Variants in CDCA2 observed in about 807,000 individuals in gnomAD.
The protein encoded by CDCA2 is cell division cycle-associated protein 2.
Under a neutral mutation model 67.0 loss-of-function variants are expected in CDCA2, and 44 were observed. The observed-to-expected ratio is 0.66, with a 90% CI of 0.52 to 0.84. The LOEUF (loss-of-function observed/expected upper bound fraction) is 0.84. CDCA2 is among the 40% of genes least tolerant of loss of function. The pLI, the probability that CDCA2 is intolerant of heterozygous loss-of-function variation, is 0.00. For synonymous variants in CDCA2, 447 were observed against 418.7 expected (o/e 1.07, Z -0.82); for missense variants, 1,253 against 1,203.2 (o/e 1.04, Z -0.61).
intron 13 of CDCA2, among the ~76,000 whole-genome samples, chr8:25,497,883 C>G (rs1432945948): frequency 6.6e-6 from 1 of 152,154 alleles, no homozygotes; most frequent in Non-Finnish European, 1.5e-5. Flanking sequence ...AATCAAGCTT[C>G]TAGATCTAAT....
chr8:25,493,415 T>G (rs1024669987), intron 13 of CDCA2, among the ~76,000 whole-genome samples: 1 of 152,120 alleles, frequency 6.6e-6, no homozygotes, highest in Admixed American at 6.6e-5. Context: ...GGGCAAAGGA[T>G]TGGTGAATTT....
intron 7 of CDCA2, among the ~76,000 whole-genome samples, chr8:25,474,754 T>C (rs1038616394): frequency 6.6e-6 from 1 of 152,170 alleles, no homozygotes; most frequent in African/African-American, 2.4e-5. Context: ...GTACTATTGT[T>C]TGGAATCTGT....
Position 25,478,888 on chromosome 8 carries a change from G to GTGTATATATATATA in CDCA2, c.821-1024_821-1023insGTATATATATATAT, listed in dbSNP as rs1006353040. ...TATATTAACTACTTGTTGTGTGTGTGTATATATATATATATATATATATAT... is the reference window on the plus strand; with the variant it reads ...TATATTAACTACTTGTTGTGTGTGTGTGTATATATATATATATATATATATATATATATATATAT... On this transcript the variant is annotated intron_variant, in intron 7 of 14. Coordinates refer to ENST00000330560, the MANE Select transcript of CDCA2 (RefSeq NM_152562.4). 5.5e-3 allele frequency among the ~76,000 whole-genome samples: 611 copies of GTGTATATATATATA among 111,438 alleles called. 2 individuals carry two copies. Among genetic ancestry groups the GTGTATATATATATA allele is most frequent in the African/African-American group, 0.023 (579 of 25,028 alleles). 73.1% of individuals were successfully genotyped at this position (111,438 alleles called of 152,430 possible). A position where few individuals can be genotyped will look rare whatever the true frequency, so the allele number is the denominator to read the frequency against.
chr8:25,483,936 A>G, intron 9 of CDCA2, 30 bp from the exon 10 acceptor site: 1 of 1,574,238 alleles, frequency 6.4e-7, no homozygotes, highest in Non-Finnish European at 8.7e-7. Flanking sequence ...CTTAATTTTT[A>G]AGTTACTCTC....
At chr8:25,486,461 A>G (rs1803778580) in intron 11 of CDCA2, among the ~76,000 whole-genome samples, 2 of 152,110 alleles carry the variant, frequency 1.3e-5, no homozygotes, top group African/African-American at 4.8e-5. Flanking sequence ...AGTCTATCAC[A>G]TTCCAAAGGC....
At chr8:25,483,276 G>C in intron 8 of CDCA2, 123 bp from the exon 9 acceptor site, 1 of 499,782 alleles carries the variant, frequency 2.0e-6, no homozygotes, top group Non-Finnish European at 3.4e-6. Context: ...TGAAAATAAA[G>C]GTAATCTTTA....
chr8:25,483,941 A>T, intron 9 of CDCA2, 25 bp from the exon 10 acceptor site: 1 of 1,583,088 alleles, frequency 6.3e-7, no homozygotes, highest in Non-Finnish European at 8.6e-7. Context: ...TTTTTAAGTT[A>T]CTCTCATTTA....
At position 25,484,098 on chromosome 8, in the gene CDCA2, G is replaced by A. The variant is rs1803671951; in HGVS notation, c.1253G>A (p.Gly418Glu). Residue 418 changes from glycine to glutamate, a missense_variant, in exon 10 of 15, where the codon GGA becomes GAA. Transcript: ENST00000330560. Reference protein sequence around the residue: ...LPANTPLRKGGTPVCKKDFSG... With the variant: ...LPANTPLRKGETPVCKKDFSG... ...GCAAATACTCCATTGCGTAAAGGAG[G>A]AACACCTGTTTGTAAAAAAGACTTC... 3 of 1,614,048 alleles carry A rather than the reference G, an allele frequency of 1.9e-6. No individual in the cohort carries two copies. The highest frequency in any genetic ancestry group is 1.3e-5 in the African/African-American group (1 of 74,928).
chr8:25,479,217 AC>A (rs1235231211), intron 7 of CDCA2, among the ~76,000 whole-genome samples: 1 of 151,464 alleles, frequency 6.6e-6, no homozygotes, highest in Non-Finnish European at 1.5e-5. Flanking sequence ...TCCTCATGTT[AC>A]CCTTCATAGC....
intron 8 of CDCA2, among the ~76,000 whole-genome samples, chr8:25,481,362 C>G (rs960897332): frequency 6.6e-6 from 1 of 152,064 alleles, no homozygotes; most frequent in African/African-American, 2.4e-5. Flanking sequence ...TATGACACAG[C>G]AAATATTAAG....
At chr8:25,469,294 CT>C (rs1803058371) in intron 6 of CDCA2, among the ~76,000 whole-genome samples, 1 of 152,210 alleles carries the variant, frequency 6.6e-6, no homozygotes, top group African/African-American at 2.4e-5. Context: ...AGTGGGTTTC[CT>C]TTGTATTTCA....
intron 7 of CDCA2, among the ~76,000 whole-genome samples, chr8:25,478,797 AG>A (rs1401193541): frequency 2.6e-5 from 4 of 151,752 alleles, no homozygotes; most frequent in Non-Finnish European, 5.9e-5. Context: ...TACCCAAAGC[AG>A]TAGCACTTCC....
chr8:25,475,892 T>C (rs1803328729), intron 7 of CDCA2, among the ~76,000 whole-genome samples: 1 of 152,160 alleles, frequency 6.6e-6, no homozygotes, highest in African/African-American at 2.4e-5. Flanking sequence ...TCCCAGTGTT[T>C]CCTGGGGGAC....
intron 7 of CDCA2, among the ~76,000 whole-genome samples, chr8:25,473,123 C>T (rs150086874): frequency 3.9e-4 from 59 of 152,238 alleles, no homozygotes; most frequent in African/African-American, 1.2e-3. Context: ...TCTTTTGTGC[C>T]TGGCTTATTT....
Position 25,506,911 on chromosome 8 carries a change from CT to C in CDCA2, c.2248del (p.Cys750ValfsTer10). 1 of 1,612,590 alleles carries C rather than the reference CT, an allele frequency of 6.2e-7. No individual in the cohort carries two copies. The highest frequency in any genetic ancestry group is 8.5e-7 in the Non-Finnish European group (1 of 1,179,340). On this transcript the variant is annotated frameshift_variant, in exon 15 of 15. Transcript: ENST00000330560. LOFTEE classifies it low-confidence loss of function (END_TRUNC). Reference sequence around the variant, plus strand: ...TGCTGGTGGTCAAAATGCAGAAAACCTTTGTCAGTTCTTTAAAATTTCACCA... The same window carrying C: ...TGCTGGTGGTCAAAATGCAGAAAACCTTGTCAGTTCTTTAAAATTTCACCA... ...FSAGGQNAEN[L>X]CQFFKISPDL...
rs1802900324 is a variant in CDCA2 at position 25,466,305 on chromosome 8, A to G, written c.518A>G (p.Glu173Gly). The G allele has an allele frequency of 5.6e-6, 9 of 1,603,516 alleles. No individual in the cohort carries two copies. The highest frequency in any genetic ancestry group is 7.6e-6 in the Non-Finnish European group (9 of 1,177,374). The change falls in exon 5 of 15, where the codon GAG becomes GGG. Residue 173 changes from glutamate to glycine, a missense_variant. Transcript: ENST00000330560. Reference protein sequence around the residue: ...GCLEFSEAGKESEMTDLTRKE... With the variant: ...GCLEFSEAGKGSEMTDLTRKE... ...CTGGAATTCTCAGAGGCAGGAAAAG[A>G]GTCCGAGATGACAGACTTGAGTGAG...
At position 25,462,188 on chromosome 8, in the gene CDCA2, G is replaced by T. The variant is rs758948745; in HGVS notation, c.367G>T (p.Ala123Ser). ...NIKNARKSPL[A>S]QDSPSQGSPA... ...AAAGAATGCTAGGAAATCTCCTTTG[G>T]CACAAGATTCTCCTTCCCAGGTATG... The change falls in exon 4 of 15, where the codon GCA becomes TCA. Residue 123 changes from alanine to serine, a missense_variant. Coordinates refer to ENST00000330560, the MANE Select transcript of CDCA2 (RefSeq NM_152562.4). 1.2e-6 allele frequency: 2 copies of T among 1,613,932 alleles called. No individual in the cohort carries two copies. The highest frequency in any genetic ancestry group is 1.7e-6 in the Non-Finnish European group (2 of 1,179,962).
chr8:25,495,704 G>C (rs1263916946), intron 13 of CDCA2, among the ~76,000 whole-genome samples: 1 of 152,150 alleles, frequency 6.6e-6, no homozygotes, highest in Non-Finnish European at 1.5e-5. Context: ...ACAGGCGTGA[G>C]CCACTGCGCC....
chr8:25,491,764 A>G (rs139080367), intron 13 of CDCA2, among the ~76,000 whole-genome samples: 105 of 152,050 alleles, frequency 6.9e-4, no homozygotes, highest in Admixed American at 1.1e-3. Context: ...CTACAGGTGC[A>G]CGCCACCACG....
Sources: gnomAD v4.1 joint callset for allele counts (sites outside exome capture counted in the v4.1 genomes callset) on GRCh38, gnomAD v4.1.1 for gene constraint, MANE v1.5 for transcripts, NCBI Gene and HGNC (gene_info 2026-07-23, HGNC 2026-07-21) for gene names.